The following SDCBP variants were observed in gnomAD, a reference collection of about 807,000 sequenced individuals.
SDCBP encodes syndecan binding protein.
SDCBP carries 22 observed loss-of-function variants against 30.5 expected under a neutral mutation model. That is an observed-to-expected ratio of 0.72 (90% CI 0.52 to 1.03). SDCBP has a LOEUF of 1.03. Among genes scored for constraint, SDCBP ranks in the 50% least tolerant of loss-of-function variants. The pLI is 0.00. For synonymous variants in SDCBP, 103 were observed against 118.7 expected (o/e 0.87, Z 0.86); for missense variants, 304 against 369.9 (o/e 0.82, Z 1.46).
intron 4 of SDCBP, among the ~76,000 whole-genome samples, chr8:58,575,641 C>T (rs953231435): frequency 3.9e-5 from 6 of 152,042 alleles, no homozygotes; most frequent in Admixed American, 6.6e-5. Context: ...GCCAGTATAC[C>T]GGTGAAACAA....
At chr8:58,576,127 A>AGC in intron 5 of SDCBP, 66 bp downstream of exon 5, 1 of 1,144,068 alleles carries the variant, frequency 8.7e-7, no homozygotes, top group East Asian at 2.5e-5. Context: ...TTAATGTTAA[A>AGC]ATAATTTGAA....
At chr8:58,557,644 C>T (rs1488811875) in intron 1 of SDCBP, among the ~76,000 whole-genome samples, 1 of 151,748 alleles carries the variant, frequency 6.6e-6, no homozygotes, top group Non-Finnish European at 1.5e-5. Context: ...TTTCATAATG[C>T]ATGAAGTGAG....
chr8:58,561,520 TTAGCAGAAACC>T, intron 1 of SDCBP: 1 of 376,142 alleles, frequency 2.7e-6, no homozygotes, highest in Non-Finnish European at 4.8e-6. Flanking sequence ...AGTGGATTTC[TTAGCAGAAACC>T]TTGCAGGTCA....
intron 1 of SDCBP, among the ~76,000 whole-genome samples, chr8:58,558,205 G>C (rs1804254910): frequency 6.6e-6 from 1 of 152,172 alleles, no homozygotes; most frequent in Admixed American, 6.5e-5. Flanking sequence ...TTTTCAATAA[G>C]TGTTTAAAGA....
intron 6 of SDCBP, 108 bp from the exon 7 acceptor site, chr8:58,579,513 AAC>A (rs1039650376): frequency 1.9e-5 from 14 of 751,604 alleles, no homozygotes; most frequent in African/African-American, 1.3e-4. Context: ...TCTTATTAGA[AAC>A]AGTGTTTATT....
At chr8:58,578,728 G>T (rs1805492955) in intron 6 of SDCBP, among the ~76,000 whole-genome samples, 1 of 152,112 alleles carries the variant, frequency 6.6e-6, no homozygotes, top group Admixed American at 6.6e-5. Flanking sequence ...TTATTTTCTT[G>T]TCTACTCCAT....
intron 1 of SDCBP, among the ~76,000 whole-genome samples, chr8:58,562,273 A>G (rs149198230): frequency 1.1e-4 from 16 of 152,300 alleles, no homozygotes; most frequent in African/African-American, 3.8e-4. Context: ...AGAGCCAGCT[A>G]TACCCAGTTT....
rs372192365 is a variant in SDCBP at position 58,565,127 on chromosome 8, A to G, written c.51+43A>G. ...CTTTTGTCAAAACAAACACAGTAAC[A>G]TGCATTCTACTTATAGGTGAAATAA... On this transcript the variant is annotated intron_variant, in intron 2 of 8. Coordinates refer to ENST00000260130, the MANE Select transcript of SDCBP (RefSeq NM_005625.4). The G allele has an allele frequency of 2.3e-4, 241 of 1,034,676 alleles. 1 individual carries two copies. Among genetic ancestry groups the G allele is most frequent in the South Asian group, 6.1e-5 (4 of 65,136 alleles). The allele number at this position is 1,034,676 out of a possible 1,614,324, so 64.1% of individuals were successfully genotyped here.
intron 1 of SDCBP, among the ~76,000 whole-genome samples, chr8:58,564,025 G>A (rs1320379795): frequency 6.6e-6 from 1 of 152,172 alleles, no homozygotes; most frequent in Non-Finnish European, 1.5e-5. Flanking sequence ...ACTCCTGGCA[G>A]GAGTCTGGCT....
At chr8:58,572,789 T>G (rs1411647066) in intron 4 of SDCBP, among the ~76,000 whole-genome samples, 1 of 150,204 alleles carries the variant, frequency 6.7e-6, no homozygotes, top group African/African-American at 2.4e-5. Flanking sequence ...CATATCTTTG[T>G]TGCTCATAAT....
Position 58,578,148 on chromosome 8 carries a change from A to G in SDCBP, c.518A>G (p.Lys173Arg). Residue 173 changes from lysine to arginine, a missense_variant, in exon 6 of 9, where the codon AAA (lysine) becomes AGA (arginine). Transcript: ENST00000260130. ...GENCAGWSSDKAHKVLKQAFG... is the reference protein window; with the variant it reads ...GENCAGWSSDRAHKVLKQAFG... The stretch of plus-strand genomic sequence containing the variant: ...AACTGTGCAGGATGGAGCTCTGATA[A>G]AGCGCACAAGGTGCTCAAACAGGCT... 6.2e-7 allele frequency: 1 copy of G among 1,611,074 alleles called. No individual in the cohort carries two copies. The highest frequency in any genetic ancestry group is 8.5e-7 in the Non-Finnish European group (1 of 1,178,944).
chr8:58,565,204 C>A (rs1585687654), intron 2 of SDCBP, 120 bp downstream of exon 2: 2 of 448,696 alleles, frequency 4.5e-6, no homozygotes, highest in Non-Finnish European at 7.9e-6. Context: ...ACTTCATAAA[C>A]CTTTTTTTAG....
chr8:58,572,288 G>T lies in SDCBP; in HGVS notation c.214G>T (p.Val72Leu). Residue 72 changes from valine (V) to leucine (L), a missense_variant, in exon 4 of 9, where the codon GTG becomes TTG. Transcript: ENST00000260130. Reference sequence around the variant, plus strand: ...AGAAGAAATACGTGCAAATGTGGCCGTGGTTTCTGGTGCACCACTTCAGGG... The same window carrying T: ...AGAAGAAATACGTGCAAATGTGGCCTTGGTTTCTGGTGCACCACTTCAGGG... ...NEEEIRANVA[V>L]VSGAPLQGQL... The T allele has an allele frequency of 6.2e-7, 1 of 1,610,660 alleles. No individual in the cohort carries two copies. Among genetic ancestry groups the T allele is most frequent in the Non-Finnish European group, 8.5e-7 (1 of 1,177,810 alleles).
chr8:58,557,469 T>C (rs1265738202), intron 1 of SDCBP, among the ~76,000 whole-genome samples: 1 of 145,240 alleles, frequency 6.9e-6, no homozygotes, highest in East Asian at 2.0e-4. Flanking sequence ...ATACATATTA[T>C]ATATGTTATA....
At chr8:58,581,635 G>T (rs1358093425) in intron 8 of SDCBP, 51 bp from the exon 9 acceptor site, 27 of 1,448,720 alleles carry the variant, frequency 1.9e-5, no homozygotes, top group Middle Eastern at 1.7e-4. Context: ...GTAGCATTTT[G>T]AAAAACAAAA....
At position 58,580,131 on chromosome 8, in the gene SDCBP, CTTTATT is replaced by C. The variant is rs1280487466; in HGVS notation, c.750+343_750+348del. 1.2e-3 allele frequency among the ~76,000 whole-genome samples: 188 copies of C among 152,214 alleles called. 2 individuals are homozygous for C. Among genetic ancestry groups the C allele is most frequent in the Non-Finnish European group, 4.9e-4 (33 of 68,006 alleles). On this transcript the variant is annotated intron_variant, in intron 7 of 8. Transcript: ENST00000260130. ...ATAATAGTTTTGGTTCATATTAATA[CTTTATT>C]TTTATAGTTTTTCTCCTCCACAAAT...
At chr8:58,574,813 A>T (rs1195355283) in intron 4 of SDCBP, among the ~76,000 whole-genome samples, 2 of 152,192 alleles carry the variant, frequency 1.3e-5, no homozygotes. Flanking sequence ...TGATTACCAC[A>T]GTCAGGGTTA....
chr8:58,581,783 C>T lies in SDCBP; in HGVS notation c.*43C>T. The stretch of plus-strand genomic sequence containing the variant: ...AAATGTAGCTGAACGTCTCCAGTTT[C>T]CTTCTTTGGCAACTTCTGTATTATG... On this transcript the variant is annotated 3_prime_UTR_variant, in exon 9 of 9. Coordinates refer to ENST00000260130, the MANE Select transcript of SDCBP (RefSeq NM_005625.4). 1 of 1,554,978 alleles carries T rather than the reference C, an allele frequency of 6.4e-7. No individual in the cohort carries two copies. The highest frequency in any genetic ancestry group is 8.9e-7 in the Non-Finnish European group (1 of 1,127,980).
intron 8 of SDCBP, among the ~76,000 whole-genome samples, chr8:58,581,118 G>T (rs1175001811): frequency 6.6e-6 from 1 of 152,044 alleles, no homozygotes; most frequent in African/African-American, 2.4e-5. Flanking sequence ...AGGCAACAAG[G>T]TTCCTTCTAT....
Sources: gnomAD v4.1 joint callset for allele counts (sites outside exome capture counted in the v4.1 genomes callset) on GRCh38, gnomAD v4.1.1 for gene constraint, MANE v1.5 for transcripts, NCBI Gene and HGNC (gene_info 2026-07-23, HGNC 2026-07-21) for gene names.